BBX: variants seen among roughly 807,000 people sequenced by gnomAD.
BBX encodes BBX high mobility group box domain containing.
In BBX, 30 loss-of-function variants were observed where a neutral mutation model predicts 100.2. That is an observed-to-expected ratio of 0.30 (90% confidence interval 0.22 to 0.41). The LOEUF (loss-of-function observed/expected upper bound fraction) is 0.41, where lower values mean the gene tolerates loss of function less well. BBX is among the 10% of genes least tolerant of loss of function. BBX has a pLI of 1.00. For missense variants in BBX, 1,023 were observed against 1,129.8 expected (o/e 0.91, Z 1.35); for synonymous variants, 376 against 388.1 (o/e 0.97, Z 0.37).
At chr3:107,794,700 A>C (rs1450934804) in intron 15 of BBX, among the ~76,000 whole-genome samples, 2 of 152,150 alleles carry the variant, frequency 1.3e-5, no homozygotes, top group East Asian at 3.8e-4. Flanking sequence ...CTGCTGTTTC[A>C]GCTCATGGGA....
At chr3:107,731,263 C>T (rs940181984) in intron 6 of BBX, among the ~76,000 whole-genome samples, 10 of 152,260 alleles carry the variant, frequency 6.6e-5, no homozygotes, top group Non-Finnish European at 1.0e-4. Flanking sequence ...TAAATTATCA[C>T]GTAATCATGT....
intron 2 of BBX, among the ~76,000 whole-genome samples, chr3:107,537,419 C>T (rs1452360049): frequency 6.6e-6 from 1 of 152,188 alleles, no homozygotes; most frequent in Non-Finnish European, 1.5e-5. Flanking sequence ...GTAGCTGATA[C>T]TTTTAGTTAA....
chr3:107,694,662 TG>T (rs1478796999), intron 3 of BBX, among the ~76,000 whole-genome samples: 2 of 150,586 alleles, frequency 1.3e-5, no homozygotes, highest in Non-Finnish European at 3.0e-5. Flanking sequence ...TTCTCTTTTT[TG>T]GTTGTGTCTC....
chr3:107,781,785 A>G (rs1458022256), intron 13 of BBX, among the ~76,000 whole-genome samples: 2 of 152,118 alleles, frequency 1.3e-5, no homozygotes, highest in South Asian at 2.1e-4. Context: ...TCCTTGGCCT[A>G]TTATCAAACA....
chr3:107,761,785 A>G (rs151296267), intron 10 of BBX, among the ~76,000 whole-genome samples: 1 of 152,358 alleles, frequency 6.6e-6, no homozygotes, highest in Non-Finnish European at 1.5e-5. Context: ...TAGGAAGCAG[A>G]GACCTGCATT....
chr3:107,620,616 C>T (rs1321854331), intron 2 of BBX, among the ~76,000 whole-genome samples: 2 of 152,184 alleles, frequency 1.3e-5, no homozygotes, highest in Admixed American at 6.5e-5. Flanking sequence ...CCTCCATTGA[C>T]ACCTGAGTGG....
At chr3:107,792,451 T>C (rs559165530) in intron 15 of BBX, among the ~76,000 whole-genome samples, 3 of 152,336 alleles carry the variant, frequency 2.0e-5, no homozygotes, top group African/African-American at 7.2e-5. Context: ...TTATCAGAAA[T>C]ATTCATGTTT....
rs146207844 is a variant in BBX, at chr3:107,697,902, C to A, written c.-9-12550C>A. On this transcript the variant is annotated intron_variant, in intron 3 of 17. Transcript: ENST00000325805. ...AGGTGTGGGTTATAATCTGCTGCTG[C>A]GCCATTTTTTAAGCTCGTCAGAAAA... is the stretch of plus-strand genomic sequence containing the variant. Among the ~76,000 whole-genome samples the A allele has an allele frequency of 2.4e-3, 366 of 152,048 alleles. 11 individuals carry two copies. Among genetic ancestry groups the A allele is most frequent in the African/African-American group, 5.6e-3 (231 of 41,290 alleles).
chr3:107,684,506 C>A (rs2059734197), intron 3 of BBX: 1 of 152,106 alleles, frequency 6.6e-6, no homozygotes, highest in African/African-American at 2.4e-5. Flanking sequence ...CCCAGGTAGT[C>A]AAATGGATGC....
intron 5 of BBX, among the ~76,000 whole-genome samples, chr3:107,720,458 A>G (rs2062450910): frequency 6.6e-6 from 1 of 151,966 alleles, no homozygotes; most frequent in Non-Finnish European, 1.5e-5. Flanking sequence ...GAGAGAAGGA[A>G]AAGGGTAAGA....
chr3:107,623,446 C>T (rs1305862427), intron 2 of BBX, among the ~76,000 whole-genome samples: 1 of 152,154 alleles, frequency 6.6e-6, no homozygotes, highest in Non-Finnish European at 1.5e-5. Flanking sequence ...CCTCTATTCC[C>T]TTCTACTTTT....
At chr3:107,725,145 T>A (rs2062824913) in intron 5 of BBX, among the ~76,000 whole-genome samples, 2 of 152,208 alleles carry the variant, frequency 1.3e-5, no homozygotes, top group African/African-American at 4.8e-5. Context: ...GTTGGATTGC[T>A]AGGTATTTTA....
chr3:107,583,995 TATATTATTATATATATTATAC>T (rs1313450809), intron 2 of BBX, among the ~76,000 whole-genome samples: 2 of 66,478 alleles, frequency 3.0e-5, no homozygotes, highest in East Asian at 2.8e-4. Flanking sequence ...TATATATTAT[TATATTATTATATATATTATAC>T]ATATTATTAT....
intron 10 of BBX, among the ~76,000 whole-genome samples, chr3:107,768,807 G>C (rs998309201): frequency 6.6e-6 from 1 of 150,562 alleles, no homozygotes; most frequent in African/African-American, 2.5e-5. Flanking sequence ...CTGACAAGTA[G>C]TTACCCCTTC....
chr3:107,792,283 C>G (rs2069142032), intron 15 of BBX, among the ~76,000 whole-genome samples: 1 of 152,096 alleles, frequency 6.6e-6, no homozygotes, highest in Non-Finnish European at 1.5e-5. Context: ...CATTTGAAAA[C>G]TAGAAGGGAT....
At chr3:107,606,776 T>G (rs931300151) in intron 2 of BBX, among the ~76,000 whole-genome samples, 2 of 152,208 alleles carry the variant, frequency 1.3e-5, no homozygotes, top group Non-Finnish European at 2.9e-5. Flanking sequence ...ACCTCAAGTC[T>G]TTATCCTTTG....
intron 3 of BBX, among the ~76,000 whole-genome samples, chr3:107,685,166 A>T (rs955420274): frequency 6.6e-6 from 1 of 152,194 alleles, no homozygotes; most frequent in African/African-American, 2.4e-5. Context: ...GACTGACAGG[A>T]GGCTGCCAGG....
intron 2 of BBX, among the ~76,000 whole-genome samples, chr3:107,612,982 C>A (rs759296353): frequency 6.6e-6 from 1 of 152,050 alleles, no homozygotes; most frequent in Admixed American, 6.6e-5. Flanking sequence ...CTCACTCTTC[C>A]CTCCCCTTTC....
intron 2 of BBX, among the ~76,000 whole-genome samples, chr3:107,564,593 G>C (rs182655998): frequency 3.0e-4 from 46 of 152,058 alleles, no homozygotes; most frequent in Admixed American, 2.8e-3. Context: ...CTCCACACAG[G>C]GGGTGGACAG....
Sources: gnomAD v4.1 joint callset for allele counts (sites outside exome capture counted in the v4.1 genomes callset) on GRCh38, gnomAD v4.1.1 for gene constraint, MANE v1.5 for transcripts, NCBI Gene and HGNC (gene_info 2026-07-23, HGNC 2026-07-21) for gene names.